NEB: variants seen among roughly 807,000 people sequenced by gnomAD.
NEB encodes the protein nebulin, also known as nemaline myopathy type 2.
NEB carries 512 observed loss-of-function variants against 952.2 expected under a neutral mutation model. The observed-to-expected ratio is 0.54, with a 90% CI of 0.50 to 0.58. The LOEUF (loss-of-function observed/expected upper bound fraction) is 0.58. Ranked by LOEUF, NEB falls within the 20% of genes least tolerant of loss-of-function variation. The probability of loss-of-function intolerance (pLI) is 0.00; values close to 1 mark genes in which losing one functional copy is unlikely to be tolerated. For missense variants in NEB, 8,428 were observed against 9,231.1 expected, an observed-to-expected ratio of 0.91 and a Z score of 3.56; for synonymous variants, 2,900 against 3,149.8, an observed-to-expected ratio of 0.92 and a Z score of 2.66.
At position 151,541,462 on chromosome 2, in the gene NEB, C is replaced by A. The variant is rs756496204; in HGVS notation, c.20667G>T (p.Gln6889His). 6.2e-7 allele frequency: 1 copy of A among 1,612,518 alleles called. No homozygotes were observed. Among genetic ancestry groups the A allele is most frequent in the Non-Finnish European group, 8.5e-7 (1 of 1,179,108 alleles). Residue 6889 changes from glutamine to histidine, a missense_variant, in exon 136 of 182, where the codon CAG becomes CAT. Coordinates refer to ENST00000397345, the MANE Select transcript of NEB (RefSeq NM_001164508.2). ...CTGAGCTTACCTGACTCTGAAGCTT[C>A]TGCCCTCGCTTGGCTCTTAAAAGAT... ...TPDLLRAKRG[Q>H]KLQSQYLYVE...
intron 124 of NEB, among the ~76,000 whole-genome samples, chr2:151,555,403 T>C (rs2095587043): frequency 1.3e-5 from 2 of 152,230 alleles, no homozygotes; most frequent in East Asian, 3.8e-4. Flanking sequence ...TGGTAATGGC[T>C]TTGTTTTTCT....
At chr2:151,561,729 G>A (rs2096075948) in intron 121 of NEB, among the ~76,000 whole-genome samples, 1 of 151,898 alleles carries the variant, frequency 6.6e-6, no homozygotes. Flanking sequence ...TGAACCACGT[G>A]CTGAAAAGTT....
chr2:151,520,039 C>A lies in NEB; in HGVS notation c.22480-271G>T, dbSNP rs377765404. ...GTAATCACCTCTTTCTAATGCAAAA[C>A]AAAAAAAAAAAAAAATGGAAAAGGC... On this transcript the variant is annotated intron_variant, in intron 153 of 181. Transcript: ENST00000397345. 6.2e-3 allele frequency: 980 copies of A among 158,142 alleles called. No homozygotes were observed. Among genetic ancestry groups the A allele is most frequent in the South Asian group, 0.011 (50 of 4,724 alleles). The allele number at this position is 158,142 out of a possible 1,614,324, so 9.8% of individuals were successfully genotyped here.
chr2:151,514,605 C>G (rs866589360), intron 158 of NEB, among the ~76,000 whole-genome samples, 177 bp from the exon 159 acceptor site: 17 of 152,162 alleles, frequency 1.1e-4, no homozygotes, highest in Non-Finnish European at 2.4e-4. Flanking sequence ...CAAATGAAAG[C>G]TTGAAGTTAA....
chr2:151,684,689 TAAG>T, intron 28 of NEB, 86 bp downstream of exon 28: 1 of 1,271,244 alleles, frequency 7.9e-7, no homozygotes, highest in Non-Finnish European at 1.1e-6. Flanking sequence ...CAGATACCTC[TAAG>T]AAGTGCAAAA....
chr2:151,505,995 C>T (rs1358942747), intron 164 of NEB, 171 bp downstream of exon 164: 1 of 657,776 alleles, frequency 1.5e-6, no homozygotes, highest in Non-Finnish European at 2.8e-6. Context: ...CGCCAAGGCA[C>T]TGCACTGAAT....
Position 151,679,907 on chromosome 2 carries a change from C to T in NEB, c.3147+11G>A, listed in dbSNP as rs766275694. ...GGACATACGCATCAGCCCGTGAGTC[C>T]ACCCACGCACCTCACTGATATTGTA... On this transcript the variant is annotated intron_variant, in intron 31 of 181. Transcript: ENST00000397345. 6 of 1,608,406 alleles carry T rather than the reference C, an allele frequency of 3.7e-6. No individual in the cohort carries two copies. In the South Asian group the frequency reaches 4.4e-5, roughly 12 times the overall value.
rs2153653983 is a variant in NEB, at chr2:151,552,752, T to C, written c.19756A>G (p.Lys6586Glu). 6.2e-7 allele frequency: 1 copy of C among 1,613,086 alleles called. No individual in the cohort carries two copies. The highest frequency in any genetic ancestry group is 1.3e-5 in the African/African-American group (1 of 75,022). Residue 6586 changes from lysine (K) to glutamate (E), a missense_variant, in exon 128 of 182, where the codon AAA becomes GAA. Lys to Glu is a moderately conservative substitution (Grantham distance 56). Transcript: ENST00000397345. ...ACAAGCTTGTAGTCATTCCTTGTTTTCAACATGTGAGCTTTATACTTGATC... is the reference window on the plus strand; with the variant it reads ...ACAAGCTTGTAGTCATTCCTTGTTTCCAACATGTGAGCTTTATACTTGATC... ...DDIKYKAHML[K>E]TRNDYKLVTD...
intron 63 of NEB, among the ~76,000 whole-genome samples, chr2:151,637,771 G>A (rs1174274059): frequency 6.6e-6 from 1 of 152,178 alleles, no homozygotes; most frequent in Non-Finnish European, 1.5e-5. Flanking sequence ...CTATATTATA[G>A]GTTTGGCTAA....
At chr2:151,524,060 TAAAG>T in intron 153 of NEB, among the ~76,000 whole-genome samples, 1 of 152,206 alleles carries the variant, frequency 6.6e-6, no homozygotes, top group South Asian at 2.1e-4. Context: ...TTTTGTCACA[TAAAG>T]ATAGTTAAGC....
At position 151,619,306 on chromosome 2, in the gene NEB, CT is replaced by C. The variant is rs1289334566; in HGVS notation, c.10872+144del. On this transcript the variant is annotated intron_variant, in intron 73 of 181. Transcript: ENST00000397345. ...TGGAGAAGAAAACAAATTGTAGTAC[CT>C]CCAATGGGAAACTCCTTTCAGACAT... 4.4e-6 allele frequency: 4 copies of C among 907,246 alleles called. No homozygotes were observed. In the African/African-American group the frequency reaches 6.7e-5, roughly 15 times the overall value. 56.2% of individuals were successfully genotyped at this position (907,246 alleles called of 1,614,324 possible).
rs1229022696 is a variant in NEB, at chr2:151,514,425, C to G, written c.23020G>C (p.Glu7674Gln). The change falls in exon 159 of 182, where the codon GAG (glutamate) becomes CAG (glutamine). Residue 7674 changes from glutamate (E) to glutamine (Q), a missense_variant. Physicochemically the swap from Glu to Gln is conservative, Grantham distance 29. This residue lies in a region of NEB where 3,374 missense variants were observed against 3,651.5 expected (regional missense o/e 0.92). Transcript: ENST00000397345. ...CTTTCCTCTAGATCTTTCCTGTACT[C>G]TTTCTATATCATGAAAGAAAAGCAA... ...KYATKIASEK[E>Q]YRKDLEESIR... is the part of the protein sequence containing the mutation. 4 of 1,602,130 alleles carry G rather than the reference C, an allele frequency of 2.5e-6. No individual in the cohort carries two copies. Among genetic ancestry groups the G allele is most frequent in the African/African-American group, 2.7e-5 (2 of 74,788 alleles).
At chr2:151,538,292 A>C (rs747404777) in intron 138 of NEB, 48 bp from the exon 139 acceptor site, 1 of 1,353,840 alleles carries the variant, frequency 7.4e-7, no homozygotes, top group African/African-American at 1.4e-5. Flanking sequence ...ACCAAGTTAA[A>C]TAATTGAGCT....
chr2:151,655,450 TAGTAC>T, intron 50 of NEB, 76 bp from the exon 51 acceptor site: 6 of 781,192 alleles, frequency 7.7e-6, no homozygotes, highest in Non-Finnish European at 1.2e-5. Context: ...ATTTATATAT[TAGTAC>T]TTGAATGCAC....
At position 151,710,498 on chromosome 2, in the gene NEB, T is replaced by C. The variant is rs202035863; in HGVS notation, c.863A>G (p.Lys288Arg). ...TTCAAAGCAAGGTGTCTCACTCCATTTGCCTTTGATTTTATTTTCATAGTC... is the reference window on the plus strand; with the variant it reads ...TTCAAAGCAAGGTGTCTCACTCCATCTGCCTTTGATTTTATTTTCATAGTC... ...KEDYENKIKG[K>R]WSETPCFEVA... The change falls in exon 11 of 182, where the codon AAA becomes AGA. Residue 288 changes from lysine to arginine, a missense_variant. Physicochemically the swap from Lys to Arg is conservative, Grantham distance 26. Coordinates refer to ENST00000397345, the MANE Select transcript of NEB (RefSeq NM_001164508.2). 4,504 of 1,610,250 alleles carry C rather than the reference T, an allele frequency of 2.8e-3. 134 individuals are homozygous for C. In the South Asian group the frequency reaches 0.047, roughly 17 times the overall value.
chr2:151,714,555 A>C (rs1212109401), intron 10 of NEB, among the ~76,000 whole-genome samples: 2 of 152,046 alleles, frequency 1.3e-5, no homozygotes, highest in African/African-American at 4.8e-5. Context: ...ATGTTAAATA[A>C]ATTTGTATGC....
chr2:151,492,609 G>C, intron 176 of NEB, 115 bp from the exon 177 acceptor site: 3 of 663,168 alleles, frequency 4.5e-6, no homozygotes, highest in Non-Finnish European at 7.2e-6. Flanking sequence ...TCAACTGAAG[G>C]GGCCCAGTGA....
chr2:151,666,036 G>GT, intron 41 of NEB, 54 bp downstream of exon 41: 1 of 1,534,718 alleles, frequency 6.5e-7, no homozygotes, highest in Non-Finnish European at 8.9e-7. Flanking sequence ...AGTGGCTCCT[G>GT]TTTTTTCCTC....
In NEB at chr2:151,622,672, C is replaced by A. The variant is rs540978026; in HGVS notation, c.10453-1646G>T. Among the ~76,000 whole-genome samples the A allele has an allele frequency of 2.6e-5, 4 of 152,130 alleles. No individual in the cohort carries two copies. In the East Asian group the frequency reaches 7.7e-4, roughly 29 times the overall value. On this transcript the variant is annotated intron_variant, in intron 71 of 181. Coordinates refer to ENST00000397345, the MANE Select transcript of NEB (RefSeq NM_001164508.2). ...TGGCCTTCATCCTTGAATACTTTAC[C>A]ATGTATCTCCTAAGAATAAAGATAT...
Sources: gnomAD v4.1 joint callset for allele counts (sites outside exome capture counted in the v4.1 genomes callset) on GRCh38, gnomAD v4.1.1 for gene constraint, gnomAD v4.1.1 regional missense constraint, MANE v1.5 for transcripts, NCBI Gene and HGNC (gene_info 2026-07-23, HGNC 2026-07-21) for gene names.